The following UNC45B variants were observed in gnomAD, a reference collection of about 807,000 sequenced individuals.
UNC45B encodes unc-45 myosin chaperone B.
In UNC45B, 78 loss-of-function variants were observed where a neutral mutation model predicts 98.7. The observed-to-expected ratio is 0.79, with a 90% CI of 0.66 to 0.95. UNC45B has a LOEUF of 0.95. Among genes scored for constraint, UNC45B ranks in the 40% least tolerant of loss-of-function variants. UNC45B has a pLI of 0.00. For missense variants in UNC45B, 1,225 were observed against 1,184.9 expected, an observed-to-expected ratio of 1.03 and a Z score of -0.50; for synonymous variants, 462 against 480.4, an observed-to-expected ratio of 0.96 and a Z score of 0.50.
chr17:35,162,309 A>C (rs988927065), intron 8 of UNC45B, among the ~76,000 whole-genome samples: 2 of 152,178 alleles, frequency 1.3e-5, no homozygotes, highest in Non-Finnish European at 2.9e-5. Context: ...TGCTAACCCC[A>C]AGTGGTTAGT....
At chr17:35,148,475 G>A (rs761313123) in intron 2 of UNC45B, 44 bp downstream of exon 2, 7 of 1,585,600 alleles carry the variant, frequency 4.4e-6, no homozygotes, top group Non-Finnish European at 6.0e-6. Flanking sequence ...AGGCAGAGGG[G>A]CTTTGGGGCT....
At chr17:35,159,227 T>G in intron 7 of UNC45B, 148 bp from the exon 8 acceptor site, 1 of 780,664 alleles carries the variant, frequency 1.3e-6, no homozygotes, top group Non-Finnish European at 2.0e-6. Context: ...CCAGGTGAGA[T>G]GGGCAACACT....
intron 3 of UNC45B, among the ~76,000 whole-genome samples, chr17:35,149,742 C>G (rs954188115): frequency 2.0e-5 from 3 of 152,128 alleles, no homozygotes; most frequent in Admixed American, 2.0e-4. Flanking sequence ...GAGGAGGGAG[C>G]TCCCCACTGC....
Position 35,186,292 on chromosome 17 carries a change from C to T in UNC45B, c.2530-7C>T. The T allele has an allele frequency of 6.2e-7, 1 of 1,613,056 alleles. No homozygotes were observed. On this transcript the variant is annotated splice_region_variant and splice_polypyrimidine_tract_variant and intron_variant, in intron 19 of 19. Coordinates refer to ENST00000394570, the MANE Select transcript of UNC45B (RefSeq NM_001267052.2). ...AGCACCTTCCTTACCTTTTTCCCTG[C>T]CTCCAGACAACCCAGTGGTTGGAGA...
chr17:35,149,330 G>T (rs561238999), intron 3 of UNC45B, among the ~76,000 whole-genome samples: 1 of 152,296 alleles, frequency 6.6e-6, no homozygotes, highest in Admixed American at 6.5e-5. Context: ...CACATTTCAG[G>T]CAGGGAGAGG....
chr17:35,186,564 C>T lies in UNC45B; in HGVS notation c.*5C>T, dbSNP rs768263079. 12 of 1,613,704 alleles carry T rather than the reference C, an allele frequency of 7.4e-6. No individual in the cohort carries two copies. Among genetic ancestry groups the T allele is most frequent in the African/African-American group, 1.3e-5 (1 of 74,932 alleles). ...TTCATTAAACCAGTGTCTTAGACAGCGACCCTCAGGGATGCTGGGAGTGGT... is the reference window on the plus strand; with the variant it reads ...TTCATTAAACCAGTGTCTTAGACAGTGACCCTCAGGGATGCTGGGAGTGGT... On this transcript the variant is annotated 3_prime_UTR_variant, in exon 20 of 20. Coordinates refer to ENST00000394570, the MANE Select transcript of UNC45B (RefSeq NM_001267052.2).
intron 18 of UNC45B, 32 bp downstream of exon 18, chr17:35,180,708 C>A (rs750587709): frequency 2.5e-6 from 4 of 1,577,954 alleles, no homozygotes; most frequent in Non-Finnish European, 3.5e-6. Context: ...GAGACCCGGG[C>A]GTGATCAAGG....
rs544283125 is a variant in UNC45B at position 35,187,286 on chromosome 17, T to A, written c.*727T>A. 6.6e-6 allele frequency: 1 copy of A among 152,116 alleles called. No homozygotes were observed. Among genetic ancestry groups the A allele is most frequent in the African/African-American group, 2.4e-5 (1 of 41,490 alleles). The allele number at this position is 152,116 out of a possible 1,614,324, so 9.4% of individuals were successfully genotyped here. ...CTGACATTGTTAGTTAGATCCAGAG[T>A]TTCAAATGTCATCACCATGGATGTG... On this transcript the variant is annotated 3_prime_UTR_variant, in exon 20 of 20. Coordinates refer to ENST00000394570, the MANE Select transcript of UNC45B (RefSeq NM_001267052.2).
In UNC45B at chr17:35,180,670, C is replaced by A. The variant is rs747037074; in HGVS notation, c.2367C>A (p.His789Gln). The A allele has an allele frequency of 6.8e-6, 11 of 1,612,748 alleles. No homozygotes were observed. The South Asian group carries it at 1.1e-4, about 16-fold the overall frequency. The part of the protein sequence containing the change: ...ATECMCNMVL[H>Q]KEVQERFLAD... The stretch of plus-strand genomic sequence containing the variant: ...AGTGCATGTGCAACATGGTGCTCCA[C>A]AAGGAGGTGAGGCAGGGGCTCAGGA... The change falls in exon 18 of 20, where the codon CAC becomes CAA. Residue 789 changes from histidine to glutamine, a missense_variant. Transcript: ENST00000394570.
intron 18 of UNC45B, among the ~76,000 whole-genome samples, chr17:35,182,153 G>A (rs942060005): frequency 6.6e-6 from 1 of 150,870 alleles, no homozygotes; most frequent in Non-Finnish European, 1.5e-5. Context: ...GCAGTGGTGT[G>A]ATCTTAGCTC....
rs775297598 is a variant in UNC45B at position 35,148,321 on chromosome 17, C to T, written c.58C>T (p.Gln20Ter). 6.2e-7 allele frequency: 1 copy of T among 1,614,120 alleles called. No individual in the cohort carries two copies. The highest frequency in any genetic ancestry group is 1.3e-5 in the African/African-American group (1 of 75,038). Residue 20 changes from glutamine (Q) to a stop codon, truncating the protein, a stop_gained, in exon 2 of 20, where the codon CAG becomes TAG. Coordinates refer to ENST00000394570, the MANE Select transcript of UNC45B (RefSeq NM_001267052.2). LOFTEE classifies it high-confidence loss of function. Reference protein sequence around the residue: ...KEEGNRHFQLQDYKAATNSYS... With the variant: ...KEEGNRHFQL ...GGAAGGAAACCGGCATTTCCAGCTC[C>T]AGGACTACAAGGCCGCCACAAATAG... is the stretch of plus-strand genomic sequence containing the variant.
intron 8 of UNC45B, among the ~76,000 whole-genome samples, chr17:35,160,173 T>A (rs1359439404): frequency 6.6e-6 from 1 of 152,070 alleles, no homozygotes; most frequent in African/African-American, 2.4e-5. Context: ...AAGGAGGAGG[T>A]AGGGGAATAG....
Position 35,177,019 on chromosome 17 carries a change from C to G in UNC45B, c.2028C>G (p.Ala676=). 2 of 1,613,704 alleles carry G rather than the reference C, an allele frequency of 1.2e-6. No homozygotes were observed. The highest frequency in any genetic ancestry group is 1.7e-6 in the Non-Finnish European group (2 of 1,179,700). The change falls in exon 16 of 20, where the codon GCC becomes GCG. Residue 676 remains alanine, a splice_region_variant and synonymous_variant. Coordinates refer to ENST00000394570, the MANE Select transcript of UNC45B (RefSeq NM_001267052.2). ...AGTGACCTTGCCCTTTCTTGCAGGC[C>G]CTGATTCCCCTGGCTTTGGAGGGCA... is the stretch of plus-strand genomic sequence containing the variant. ...GTIVAQGGGK[A]LIPLALEGTD... is the part of the protein sequence containing the mutation.
chr17:35,149,317 G>C lies in UNC45B; in HGVS notation c.205+308G>C, dbSNP rs544687698. ...TTCCAGGGCTGGGCAATGTTACAGGGAACACATTTCAGGCAGGGAGAGGGA... is the reference window on the plus strand; with the variant it reads ...TTCCAGGGCTGGGCAATGTTACAGGCAACACATTTCAGGCAGGGAGAGGGA... On this transcript the variant is annotated intron_variant, in intron 3 of 19. Transcript: ENST00000394570. Among the ~76,000 whole-genome samples, 3 of 152,310 alleles carry C rather than the reference G, an allele frequency of 2.0e-5. No homozygotes were observed. In the East Asian group the frequency reaches 5.8e-4, roughly 29 times the overall value.
chr17:35,164,093 A>C lies in UNC45B; in HGVS notation c.1078A>C (p.Asn360His). The change falls in exon 9 of 20, where the codon AAC becomes CAC. Residue 360 changes from asparagine (N) to histidine (H), a missense_variant. By Grantham distance (68) the Asn-to-His change is moderately conservative. Coordinates refer to ENST00000394570, the MANE Select transcript of UNC45B (RefSeq NM_001267052.2). ...NTRMLASILI[N>H]KLYDDLRCDP... The stretch of plus-strand genomic sequence containing the variant: ...CCGCATGCTGGCCTCTATCCTCATC[A>C]ACAAGCTCTATGATGACCTGCGCTG... The C allele has an allele frequency of 6.2e-7, 1 of 1,614,074 alleles. No homozygotes were observed. Among genetic ancestry groups the C allele is most frequent in the Non-Finnish European group, 8.5e-7 (1 of 1,179,994 alleles).
intron 5 of UNC45B, 71 bp downstream of exon 5, chr17:35,153,053 G>A: frequency 7.4e-7 from 1 of 1,359,050 alleles, no homozygotes; most frequent in Non-Finnish European, 1.0e-6. Context: ...CATTCCGAGG[G>A]GGAAGGGGGA....
chr17:35,174,945 AAGAAAGAAAAAGAAAG>A (rs1316919003), intron 14 of UNC45B, among the ~76,000 whole-genome samples: 1 of 90,410 alleles, frequency 1.1e-5, no homozygotes, highest in African/African-American at 5.2e-5. Flanking sequence ...AAGAAAAAGA[AAGAAAGAAAAAGAAAG>A]AGAAAGAAAG....
At chr17:35,148,697 T>C (rs2091994306) in intron 2 of UNC45B, among the ~76,000 whole-genome samples, 1 of 152,068 alleles carries the variant, frequency 6.6e-6, no homozygotes, top group South Asian at 2.1e-4. Flanking sequence ...GTTGTTGTCC[T>C]CCCCCTATCG....
chr17:35,177,420 C>A, intron 16 of UNC45B, 75 bp from the exon 17 acceptor site: 1 of 1,052,642 alleles, frequency 9.5e-7, no homozygotes, highest in Non-Finnish European at 1.4e-6. Context: ...AACTTTACAG[C>A]TGGTCACCTA....
Sources: allele counts gnomAD v4.1 joint callset (sites outside exome capture counted in the v4.1 genomes callset), GRCh38; gene constraint gnomAD v4.1.1; transcripts MANE v1.5; gene names NCBI Gene and HGNC (gene_info 2026-07-23, HGNC 2026-07-21).